Variants in PIWIL4 observed in about 807,000 individuals in gnomAD.
PIWIL4 encodes piwi-like protein 4.
PIWIL4 carries 50 observed loss-of-function variants against 100.9 expected under a neutral mutation model. That is an observed-to-expected ratio of 0.50 (90% CI 0.39 to 0.63). The LOEUF is 0.63. Ranked by LOEUF, PIWIL4 falls within the 20% of genes least tolerant of loss-of-function variation. The pLI, the probability that PIWIL4 is intolerant of heterozygous loss-of-function variation, is 0.00. For missense variants in PIWIL4, 887 were observed against 1,043.3 expected, an observed-to-expected ratio of 0.85 and a Z score of 2.06; for synonymous variants, 342 against 367.5, an observed-to-expected ratio of 0.93 and a Z score of 0.79.
intron 4 of PIWIL4, among the ~76,000 whole-genome samples, chr11:94,578,197 T>C (rs1014276307): frequency 2.6e-4 from 39 of 152,160 alleles, no homozygotes; most frequent in African/African-American, 8.7e-4. Flanking sequence ...ATCGTACTGG[T>C]AAAGCCAGGT....
chr11:94,594,417 G>A (rs1484662539), intron 9 of PIWIL4, among the ~76,000 whole-genome samples: 7 of 148,578 alleles, frequency 4.7e-5, no homozygotes, highest in Non-Finnish European at 7.4e-5. Context: ...AGTGAGCCGC[G>A]ATCACGCCAG....
intron 9 of PIWIL4, 97 bp downstream of exon 9, chr11:94,593,738 A>G: frequency 7.2e-7 from 1 of 1,382,388 alleles, no homozygotes. Context: ...GAATGCCAGG[A>G]CATCGATTTA....
intron 4 of PIWIL4, among the ~76,000 whole-genome samples, chr11:94,581,971 C>T (rs1184328745): frequency 6.6e-6 from 1 of 151,162 alleles, no homozygotes; most frequent in Non-Finnish European, 1.5e-5. Context: ...GGTGTAGATA[C>T]AATAAGACTT....
chr11:94,600,060 T>TG (rs989053688), intron 11 of PIWIL4, among the ~76,000 whole-genome samples: 4 of 152,178 alleles, frequency 2.6e-5, no homozygotes, highest in African/African-American at 9.7e-5. Context: ...CTTCCCCACT[T>TG]GCTGTGCCAA....
chr11:94,576,683 C>T (rs1001236064), intron 3 of PIWIL4, among the ~76,000 whole-genome samples: 1 of 152,126 alleles, frequency 6.6e-6, no homozygotes, highest in African/African-American at 2.4e-5. Context: ...AAAACAGAAG[C>T]CCAGAAACCT....
intron 8 of PIWIL4, among the ~76,000 whole-genome samples, chr11:94,592,153 G>A (rs1184272792): frequency 6.6e-6 from 1 of 152,136 alleles, no homozygotes; most frequent in Non-Finnish European, 1.5e-5. Flanking sequence ...CTCCAGCCCA[G>A]GGATCCAGTA....
At chr11:94,593,276 A>G (rs7105524) in intron 8 of PIWIL4, among the ~76,000 whole-genome samples, 80,779 of 151,996 alleles carry the variant, frequency 0.53, 24,068 homozygotes, top group African/African-American at 0.82. Context: ...GGCTGAAACC[A>G]AGAGACAGCA....
chr11:94,590,800 G>A (rs190543158), intron 8 of PIWIL4, among the ~76,000 whole-genome samples: 110 of 152,126 alleles, frequency 7.2e-4, no homozygotes, highest in South Asian at 2.1e-3. Flanking sequence ...AGGCCATCTC[G>A]TGGATCCCCT....
intron 11 of PIWIL4, among the ~76,000 whole-genome samples, chr11:94,599,888 A>G (rs1275290743): frequency 1.3e-5 from 2 of 152,082 alleles, no homozygotes; most frequent in East Asian, 1.9e-4. Flanking sequence ...ACATGTTAAC[A>G]TGCAGATTCT....
At chr11:94,569,826 G>C (rs1948124868) in intron 2 of PIWIL4, among the ~76,000 whole-genome samples, 2 of 149,050 alleles carry the variant, frequency 1.3e-5, no homozygotes, top group Non-Finnish European at 3.0e-5. Context: ...GGGAGGGTGG[G>C]AGGGGAGTGA....
intron 5 of PIWIL4, among the ~76,000 whole-genome samples, chr11:94,585,117 A>C (rs1358907227): frequency 6.6e-6 from 1 of 152,194 alleles, no homozygotes; most frequent in East Asian, 1.9e-4. Context: ...AAGAGGTCAA[A>C]AAGGCCTGCA....
chr11:94,607,946 A>C lies in PIWIL4; in HGVS notation c.1839+307A>C, dbSNP rs187322373. Among the ~76,000 whole-genome samples the C allele has an allele frequency of 1.1e-3, 160 of 152,290 alleles. 1 individual carries two copies. The highest frequency in any genetic ancestry group is 3.8e-3 in the African/African-American group (156 of 41,566). Reference sequence around the variant, plus strand: ...TTTCATCAGGGTGCTAACTCTGAGAATAGCCTTGCACCCTGGATGGGGCCT... The same window carrying C: ...TTTCATCAGGGTGCTAACTCTGAGACTAGCCTTGCACCCTGGATGGGGCCT... On this transcript the variant is annotated intron_variant, in intron 14 of 19. Coordinates refer to ENST00000299001, the MANE Select transcript of PIWIL4 (RefSeq NM_152431.3).
intron 12 of PIWIL4, 33 bp from the exon 13 acceptor site, chr11:94,603,951 T>G (rs1347404035): frequency 7.0e-7 from 1 of 1,423,192 alleles, no homozygotes; most frequent in Non-Finnish European, 9.8e-7. Flanking sequence ...AAGAAGGAAG[T>G]TACATAGCTT....
chr11:94,573,649 G>A (rs964017165), intron 2 of PIWIL4, among the ~76,000 whole-genome samples: 15 of 152,188 alleles, frequency 9.9e-5, no homozygotes, highest in South Asian at 2.1e-4. Context: ...CAACTTGATC[G>A]TGGTGGATAA....
intron 2 of PIWIL4, among the ~76,000 whole-genome samples, chr11:94,572,310 A>G (rs561729382): frequency 1.4e-4 from 21 of 152,208 alleles, no homozygotes; most frequent in African/African-American, 4.3e-4. Context: ...CCATTTGTCA[A>G]TTTTGGCTTT....
intron 4 of PIWIL4, among the ~76,000 whole-genome samples, chr11:94,578,335 A>C (rs1250888904): frequency 6.6e-6 from 1 of 152,242 alleles, no homozygotes; most frequent in African/African-American, 2.4e-5. Flanking sequence ...CAAGCGTTGA[A>C]TGGAAAGTTT....
In PIWIL4 at chr11:94,587,208, C is replaced by T. The variant is rs149581818; in HGVS notation, c.875C>T (p.Thr292Met). ...ACTGGCTTGTCCTGTTTCACCCAGA[C>T]GTGTGAGAAGCAGCTAATAGGGCTC... ...QRTGLSCFTQ[T>M]CEKQLIGLIV... The change falls in exon 7 of 20, where the codon ACG becomes ATG. Residue 292 changes from threonine to methionine, a missense_variant. Thr to Met is a moderately conservative substitution (Grantham distance 81). Transcript: ENST00000299001. The T allele has an allele frequency of 4.6e-4, 743 of 1,614,118 alleles. 5 individuals carry two copies. In the East Asian group the frequency reaches 0.012, roughly 25 times the overall value.
In PIWIL4 at chr11:94,575,090, T is replaced by C; in HGVS notation, c.258T>C (p.Cys86=). 15 of 1,613,910 alleles carry C rather than the reference T, an allele frequency of 9.3e-6. No homozygotes were observed. The highest frequency in any genetic ancestry group is 1.3e-5 in the Non-Finnish European group (15 of 1,179,930). Residue 86 remains cysteine, a synonymous_variant, in exon 3 of 20, where the codon TGT becomes TGC. Transcript: ENST00000299001. ...NKQDFMDLSI[C]TREKLAHVRN... ...AGGACTTTATGGATTTGAGTATCTGTACCAGAGAAAAATTGGCACATGTGA... is the reference window on the plus strand; with the variant it reads ...AGGACTTTATGGATTTGAGTATCTGCACCAGAGAAAAATTGGCACATGTGA...
chr11:94,589,003 G>A (rs1948442716), intron 7 of PIWIL4, 118 bp from the exon 8 acceptor site: 3 of 663,004 alleles, frequency 4.5e-6, no homozygotes, highest in East Asian at 2.8e-5. Context: ...TTGTTTTATT[G>A]TTTTCATAAT....
Sources: gnomAD v4.1 joint callset for allele counts (sites outside exome capture counted in the v4.1 genomes callset) on GRCh38, gnomAD v4.1.1 for gene constraint, MANE v1.5 for transcripts, NCBI Gene and HGNC (gene_info 2026-07-23, HGNC 2026-07-21) for gene names.